Variants in AHNAK2 observed in about 807,000 individuals in gnomAD.
The protein encoded by AHNAK2 is protein AHNAK2.
AHNAK2 carries 18 observed loss-of-function variants against 30.7 expected under a neutral mutation model. The observed-to-expected ratio is 0.59, with a 90% CI of 0.41 to 0.87. The LOEUF is 0.87. Among genes scored for constraint, AHNAK2 ranks in the 40% least tolerant of loss-of-function variants. The probability of loss-of-function intolerance (pLI) is 0.00; values close to 1 mark genes in which losing one functional copy is unlikely to be tolerated. For missense variants in AHNAK2, 8,604 were observed against 7,373.0 expected, an observed-to-expected ratio of 1.17 and a Z score of -6.11; for synonymous variants, 3,590 against 3,073.8, an observed-to-expected ratio of 1.17 and a Z score of -5.56.
chr14:104,946,979 C>A lies in AHNAK2; in HGVS notation c.8472G>T (p.Gly2824=), dbSNP rs750858204. 9 of 1,612,570 alleles carry A rather than the reference C, an allele frequency of 5.6e-6. No homozygotes were observed. The highest frequency in any genetic ancestry group is 7.6e-6 in the Non-Finnish European group (9 of 1,179,670). Residue 2824 remains glycine (G), a synonymous_variant, in exon 7 of 7, where the codon GGG becomes GGT. Coordinates refer to ENST00000333244, the MANE Select transcript of AHNAK2 (RefSeq NM_138420.4). Reference sequence around the variant, plus strand: ...CGATGGACTTGCCTGGGGCCGACACCCCGAATGACGGCATCTTGAACTTGG... The same window carrying A: ...CGATGGACTTGCCTGGGGCCGACACACCGAATGACGGCATCTTGAACTTGG... ...KMPKFKMPSF[G]VSAPGKSIEA...
Position 104,946,132 on chromosome 14 carries a change from G to A in AHNAK2, c.9319C>T (p.Pro3107Ser). The change falls in exon 7 of 7, where the codon CCC becomes TCC. Residue 3107 changes from proline to serine, a missense_variant. By Grantham distance (74) the Pro-to-Ser change is moderately conservative. Coordinates refer to ENST00000333244, the MANE Select transcript of AHNAK2 (RefSeq NM_138420.4). ...GCCTCGACATCCACCTCCATGCCGG[G>A]CTGAGACACCTCCACGTCGGGGGCC... ...VTAPDVEVSQ[P>S]GMEVDVEAPG... 1.2e-6 allele frequency: 2 copies of A among 1,612,200 alleles called. No individual in the cohort carries two copies. The highest frequency in any genetic ancestry group is 1.7e-6 in the Non-Finnish European group (2 of 1,179,420).
At chr14:104,973,711 G>A (rs944223791) in intron 1 of AHNAK2, among the ~76,000 whole-genome samples, 3 of 152,160 alleles carry the variant, frequency 2.0e-5, no homozygotes, top group Non-Finnish European at 4.4e-5. Context: ...CCGGACTCCT[G>A]CCTGGAACAG....
At position 104,947,685 on chromosome 14, in the gene AHNAK2, T is replaced by C. The variant is rs1898367391; in HGVS notation, c.7766A>G (p.Lys2589Arg). 6.2e-7 allele frequency: 1 copy of C among 1,612,790 alleles called. No individual in the cohort carries two copies. Among genetic ancestry groups the C allele is most frequent in the East Asian group, 2.2e-5 (1 of 44,752 alleles). The part of the protein sequence containing the change: ...MDLKGPQLDV[K>R]GPKLDLKGPK... ...GCCTTTCAGGTCCAGCTTGGGGCCC[T>C]TGACATCTAGCTGGGGGCCCTTGAG... Residue 2589 changes from lysine to arginine, a missense_variant, in exon 7 of 7, where the codon AAG becomes AGG. Lys to Arg is a conservative substitution (Grantham distance 26). Transcript: ENST00000333244.
chr14:104,963,686 C>T (rs1449918839), intron 1 of AHNAK2, among the ~76,000 whole-genome samples: 3 of 152,010 alleles, frequency 2.0e-5, no homozygotes, highest in South Asian at 2.1e-4. Context: ...AAAAATTAGC[C>T]GGGTGTGGTG....
Position 104,943,468 on chromosome 14 carries a change from C to T in AHNAK2, c.11983G>A (p.Ala3995Thr), listed in dbSNP as rs369971630. 22 of 1,613,108 alleles carry T rather than the reference C, an allele frequency of 1.4e-5. No homozygotes were observed. The highest frequency in any genetic ancestry group is 3.3e-5 in the South Asian group (3 of 91,052). Residue 3995 changes from alanine to threonine, a missense_variant, in exon 7 of 7, where the codon GCG becomes ACG. Physicochemically the swap from Ala to Thr is moderately conservative, Grantham distance 58. Transcript: ENST00000333244. The part of the protein sequence containing the change: ...KSMEASVDVT[A>T]PKVEADVSLP... The stretch of plus-strand genomic sequence containing the variant: ...CTCACGTCGGCCTCCACCTTTGGCG[C>T]GGTCACATCCACTGATGCCTCCATG...
At chr14:104,974,873 T>C (rs1899558049) in intron 1 of AHNAK2, among the ~76,000 whole-genome samples, 1 of 152,222 alleles carries the variant, frequency 6.6e-6, no homozygotes, top group Non-Finnish European at 1.5e-5. Context: ...TGCCCCCCAC[T>C]TGCTGGGGCT....
In AHNAK2 at chr14:104,942,251, C is replaced by T. The variant is rs373025498; in HGVS notation, c.13200G>A (p.Gln4400=). 18 of 1,613,008 alleles carry T rather than the reference C, an allele frequency of 1.1e-5. No individual in the cohort carries two copies. Among genetic ancestry groups the T allele is most frequent in the East Asian group, 2.2e-5 (1 of 44,782 alleles). ...CCAGCTTGGGGACATTAACGTCTATCTGGGGACCCTTGAGGTCCACTTTGG... is the reference window on the plus strand; with the variant it reads ...CCAGCTTGGGGACATTAACGTCTATTTGGGGACCCTTGAGGTCCACTTTGG... ...KVPKVDLKGP[Q]IDVNVPKLDL... is the part of the protein sequence containing the mutation. The change falls in exon 7 of 7, where the codon CAG becomes CAA. Residue 4400 remains glutamine, a synonymous_variant. Transcript: ENST00000333244.
rs745463275 is a variant in AHNAK2, at chr14:104,943,901, G to A, written c.11550C>T (p.Asp3850=). Residue 3850 remains aspartate, a synonymous_variant, in exon 7 of 7, where the codon GAC becomes GAT. Transcript: ENST00000333244. The stretch of plus-strand genomic sequence containing the variant: ...CGGCAGAATGGGGCTGAATGCTGAG[G>A]TCAGTGGTCTTGAGGTCCCCCTGCA... ...PSMQGDLKTT[D]LSIQPHSADL... The A allele has an allele frequency of 1.9e-6, 3 of 1,613,250 alleles. No homozygotes were observed. In the Admixed American group the frequency reaches 5.0e-5, roughly 27 times the overall value.
In AHNAK2 at chr14:104,950,226, G is replaced by C. The variant is rs1448435517; in HGVS notation, c.5225C>G (p.Pro1742Arg). 3.2e-6 allele frequency: 5 copies of C among 1,585,708 alleles called. No homozygotes were observed. The highest frequency in any genetic ancestry group is 4.3e-6 in the Non-Finnish European group (5 of 1,162,832). The change falls in exon 7 of 7, where the codon CCC (proline) becomes CGC (arginine). Residue 1742 changes from proline (P) to arginine (R), a missense_variant. Coordinates refer to ENST00000333244, the MANE Select transcript of AHNAK2 (RefSeq NM_138420.4). Reference sequence around the variant, plus strand: ...CTTCAAACTGGGCATCTGCACCTTGGGGAGGTGCCCTTTGAAGCCGGCTCC... The same window carrying C: ...CTTCAAACTGGGCATCTGCACCTTGCGGAGGTGCCCTTTGAAGCCGGCTCC... ...PEGAGFKGHL[P>R]KVQMPSLKMP...
Position 104,953,329 on chromosome 14 carries a change from C to T in AHNAK2, c.2122G>A (p.Asp708Asn), listed in dbSNP as rs1322644675. The T allele has an allele frequency of 7.4e-6, 12 of 1,613,320 alleles. No homozygotes were observed. Among genetic ancestry groups the T allele is most frequent in the Middle Eastern group, 3.3e-4 (2 of 6,084 alleles). The change falls in exon 7 of 7, where the codon GAC becomes AAC. Residue 708 changes from aspartate (D) to asparagine (N), a missense_variant. Transcript: ENST00000333244. ...CCCTGCATGGAGAGGAGGCTCACGT[C>T]GGCCTCCACCTTCGGCGCAGACACA... ...VDVSAPKVEA[D>N]VSLLSMQGDL...
Position 104,954,119 on chromosome 14 carries a change from A to C in AHNAK2, c.1332T>G (p.Pro444=). 6.2e-7 allele frequency: 1 copy of C among 1,611,866 alleles called. No homozygotes were observed. The highest frequency in any genetic ancestry group is 1.3e-5 in the African/African-American group (1 of 74,944). Residue 444 remains proline (P), a synonymous_variant, in exon 7 of 7, where the codon CCT becomes CCG. Transcript: ENST00000333244. The surrounding 1 kb of genome is among the most constrained non-coding windows in gnomAD (Gnocchi z 4.3). The part of the protein sequence containing the change: ...AQRKPRAQPT[P]GMSREGEGEG... ...CGCCTTCACCCTCCCGGCTCATTCC[A>C]GGAGTTGGCTGGGCCCTGGGCTTCC... is the stretch of plus-strand genomic sequence containing the variant.
rs1434792232 is a variant in AHNAK2, at chr14:104,948,587, G to A, written c.6864C>T (p.Val2288=). The A allele has an allele frequency of 1.2e-6, 2 of 1,612,576 alleles. No homozygotes were observed. The highest frequency in any genetic ancestry group is 2.2e-5 in the South Asian group (2 of 91,060). Residue 2288 remains valine, a synonymous_variant, in exon 7 of 7, where the codon GTC becomes GTT. Coordinates refer to ENST00000333244, the MANE Select transcript of AHNAK2 (RefSeq NM_138420.4). The part of the protein sequence containing the change: ...EVSLPSVEVD[V]KAPGAKLDGA... Reference sequence around the variant, plus strand: ...CATCCAGCTTGGCTCCTGGGGCCTTGACGTCCACCTCCACGCTGGGCAGAG... The same window carrying A: ...CATCCAGCTTGGCTCCTGGGGCCTTAACGTCCACCTCCACGCTGGGCAGAG...
intron 1 of AHNAK2, among the ~76,000 whole-genome samples, chr14:104,965,276 C>G (rs1899267707): frequency 6.6e-6 from 1 of 151,866 alleles, no homozygotes. Context: ...TGGCAGGCGC[C>G]TGTAATCCCA....
rs1309960567 is a variant in AHNAK2, at chr14:104,951,728, G to A, written c.3723C>T (p.Gly1241=). The A allele has an allele frequency of 8.0e-7, 1 of 1,247,462 alleles. No homozygotes were observed. Among genetic ancestry groups the A allele is most frequent in the Non-Finnish European group, 1.1e-6 (1 of 881,050 alleles). 77.3% of individuals were successfully genotyped at this position (1,247,462 alleles called of 1,614,324 possible). A position where few individuals can be genotyped will look rare whatever the true frequency, so the allele number is the denominator to read the frequency against. The stretch of plus-strand genomic sequence containing the variant: ...GCACCTTGGGCAGGTGCCCTTTGAA[G>A]CCGGCTCCCTCAGGCACGTGGCCCT... ...LLEGHVPEGA[G]FKGHLPKVQM... Residue 1241 remains glycine, a synonymous_variant, in exon 7 of 7, where the codon GGC becomes GGT. Transcript: ENST00000333244.
In AHNAK2 at chr14:104,953,758, T is replaced by A. The variant is rs1472303356; in HGVS notation, c.1693A>T (p.Ile565Phe). The change falls in exon 7 of 7, where the codon ATC (isoleucine) becomes TTC (phenylalanine). Residue 565 changes from isoleucine to phenylalanine, a missense_variant. By Grantham distance (21) the Ile-to-Phe change is conservative. Transcript: ENST00000333244. The stretch of plus-strand genomic sequence containing the variant: ...CTGCCCTTGTCCTGTTCCTCAGTGA[T>A]CCTTGTCCTCTGTAGTCCTTCCTCT... ...DGEEGLQRTR[I>F]TEEQDKGRED... 11 of 1,613,870 alleles carry A rather than the reference T, an allele frequency of 6.8e-6. No homozygotes were observed. The highest frequency in any genetic ancestry group is 3.3e-5 in the Admixed American group (2 of 59,994).
At chr14:104,959,510 G>A (rs971086781) in intron 1 of AHNAK2, among the ~76,000 whole-genome samples, 2 of 152,164 alleles carry the variant, frequency 1.3e-5, no homozygotes, top group Non-Finnish European at 2.9e-5. Flanking sequence ...GGTGGTGCAT[G>A]CCTATAGTCC....
At chr14:104,956,190 G>A (rs2140870295) in intron 4 of AHNAK2, among the ~76,000 whole-genome samples, 1 of 152,304 alleles carries the variant, frequency 6.6e-6, no homozygotes. Flanking sequence ...ATCATTGGGT[G>A]CTAGCAGAGT....
chr14:104,939,719 T>C lies in AHNAK2; in HGVS notation c.15732A>G (p.Ala5244=), dbSNP rs750333598. ...CCTCTGGGAGCTGTAGGGACATAGCTGCCTCCACGTTTGACCCAGAAACAA... is the reference window on the plus strand; with the variant it reads ...CCTCTGGGAGCTGTAGGGACATAGCCGCCTCCACGTTTGACCCAGAAACAA... ...EFLVSGSNVE[A]AMSLQLPEAD... is the part of the protein sequence containing the mutation. The change falls in exon 7 of 7, where the codon GCA becomes GCG. Residue 5244 remains alanine (A), a synonymous_variant. Transcript: ENST00000333244. 1 of 1,613,910 alleles carries C rather than the reference T, an allele frequency of 6.2e-7. No homozygotes were observed. The highest frequency in any genetic ancestry group is 1.3e-5 in the African/African-American group (1 of 75,050).
At position 104,943,791 on chromosome 14, in the gene AHNAK2, G is replaced by A. The variant is rs773729186; in HGVS notation, c.11660C>T (p.Pro3887Leu). The change falls in exon 7 of 7, where the codon CCC becomes CTC. Residue 3887 changes from proline to leucine, a missense_variant. Coordinates refer to ENST00000333244, the MANE Select transcript of AHNAK2 (RefSeq NM_138420.4). Reference protein sequence around the residue: ...PEEAGLKGHLPKVQMPSFKMP... With the variant: ...PEEAGLKGHLLKVQMPSFKMP... ...CTTGAAACTGGGCATCTGCACCTTG[G>A]GCAGGTGTCCTTTGAGGCCGGCTTC... The A allele has an allele frequency of 2.5e-6, 4 of 1,613,018 alleles. No homozygotes were observed. Among genetic ancestry groups the A allele is most frequent in the Non-Finnish European group, 3.4e-6 (4 of 1,179,552 alleles).
Sources: gnomAD v4.1 joint callset for allele counts (sites outside exome capture counted in the v4.1 genomes callset) on GRCh38, gnomAD v4.1.1 for gene constraint, Gnocchi (gnomAD v3.1) non-coding constraint, MANE v1.5 for transcripts, NCBI Gene and HGNC (gene_info 2026-07-23, HGNC 2026-07-21) for gene names.